The following EXD3 variants were observed in gnomAD, a reference collection of about 807,000 sequenced individuals.
The protein encoded by EXD3 is exonuclease 3'-5' domain containing 3.
In EXD3, 92 loss-of-function variants were observed where a neutral mutation model predicts 98.0. That is an observed-to-expected ratio of 0.94 (90% confidence interval 0.79 to 1.12). The LOEUF is 1.12. Among genes scored for constraint, EXD3 ranks in the 50% most tolerant of loss-of-function variants. EXD3 has a pLI of 0.00. For missense variants in EXD3, 1,222 were observed against 1,191.6 expected, an observed-to-expected ratio of 1.03 and a Z score of -0.38; for synonymous variants, 569 against 526.0, an observed-to-expected ratio of 1.08 and a Z score of -1.12.
chr9:137,407,385 A>T lies in EXD3; in HGVS notation c.-47-11981T>A, dbSNP rs1837774308. On this transcript the variant is annotated intron_variant, in intron 1 of 21. Coordinates refer to ENST00000340951, the MANE Select transcript of EXD3 (RefSeq NM_017820.5). This position sits in a 1 kb window ranked among gnomAD's most constrained non-coding sequence, Gnocchi z 4.4. ...GACTGCTCCCCCGCGAAGCCCACCCACCTGAGGTCCTGGCCCCCAAGGGGC... is the reference window on the plus strand; with the variant it reads ...GACTGCTCCCCCGCGAAGCCCACCCTCCTGAGGTCCTGGCCCCCAAGGGGC... 6.6e-6 allele frequency among the ~76,000 whole-genome samples: 1 copy of T among 151,894 alleles called. No individual in the cohort carries two copies. Among genetic ancestry groups the T allele is most frequent in the Non-Finnish European group, 1.5e-5 (1 of 67,912 alleles).
chr9:137,307,504 C>T, intron 21 of EXD3, 104 bp downstream of exon 21: 1 of 1,443,452 alleles, frequency 6.9e-7, no homozygotes, highest in Non-Finnish European at 9.3e-7. Context: ...CCCCACAGAG[C>T]CCCCTCTGCC....
rs747443829 is a variant in EXD3 at position 137,349,154 on chromosome 9, G to C, written c.1786C>G (p.Pro596Ala). The C allele has an allele frequency of 1.9e-6, 3 of 1,597,346 alleles. No homozygotes were observed. Among genetic ancestry groups the C allele is most frequent in the Non-Finnish European group, 1.7e-6 (2 of 1,177,796 alleles). The change falls in exon 16 of 22, where the codon CCA becomes GCA. Residue 596 changes from proline (P) to alanine (A), a missense_variant. Transcript: ENST00000340951. This position sits in a 1 kb window ranked among gnomAD's most constrained non-coding sequence, Gnocchi z 7.4. ...GCTGACGCTTTCTGCAGGCCGGGTG[G>C]CTTCCGTGCCCCTGGTCTCTCTCTG... ...RHRERPGARK[P>A]PGLQKASAPA...
intron 3 of EXD3, among the ~76,000 whole-genome samples, chr9:137,383,101 C>A (rs1836400896): frequency 6.6e-6 from 1 of 152,212 alleles, no homozygotes; most frequent in African/African-American, 2.4e-5. Context: ...CCAGGCAGTG[C>A]CTTTACCACC....
chr9:137,309,389 C>A (rs1263983315), intron 20 of EXD3, among the ~76,000 whole-genome samples: 1 of 152,200 alleles, frequency 6.6e-6, no homozygotes, highest in Non-Finnish European at 1.5e-5. Context: ...TCTGCTACCA[C>A]ACAGAAGGGA....
Position 137,383,282 on chromosome 9 carries a change from T to C in EXD3, c.120+31A>G, listed in dbSNP as rs1425405050. Reference sequence around the variant, plus strand: ...AACAGTCAGTTCTGCTGGCTGTGACTTGGCACGTGGTGGCTGCCACGTCCA... The same window carrying C: ...AACAGTCAGTTCTGCTGGCTGTGACCTGGCACGTGGTGGCTGCCACGTCCA... On this transcript the variant is annotated intron_variant, in intron 3 of 21. Coordinates refer to ENST00000340951, the MANE Select transcript of EXD3 (RefSeq NM_017820.5). 3 of 1,538,132 alleles carry C rather than the reference T, an allele frequency of 2.0e-6. No individual in the cohort carries two copies. In the South Asian group the frequency reaches 3.6e-5, roughly 18 times the overall value.
At chr9:137,312,591 C>G (rs1361196866) in intron 19 of EXD3, among the ~76,000 whole-genome samples, 2 of 152,198 alleles carry the variant, frequency 1.3e-5, no homozygotes. Flanking sequence ...CCAGGGCCCT[C>G]TCCTCTCCAG....
intron 7 of EXD3, among the ~76,000 whole-genome samples, chr9:137,358,334 C>T (rs1834892596): frequency 6.6e-6 from 1 of 152,184 alleles, no homozygotes; most frequent in African/African-American, 2.4e-5. Context: ...CACCTGTGTC[C>T]TCCTGGTTTC....
In EXD3 at chr9:137,405,321, G is replaced by A. The variant is rs552094582; in HGVS notation, c.-47-9917C>T. On this transcript the variant is annotated intron_variant, in intron 1 of 21. Coordinates refer to ENST00000340951, the MANE Select transcript of EXD3 (RefSeq NM_017820.5). The surrounding 1 kb of genome is among the most constrained non-coding windows in gnomAD (Gnocchi z 4.1). ...AGCAGGGGCCAGAGCCCCAACCCCC[G>A]CTGCTTCCCCAACTGCTCCCTGGGG... 2.6e-5 allele frequency among the ~76,000 whole-genome samples: 4 copies of A among 152,322 alleles called. No homozygotes were observed. Among genetic ancestry groups the A allele is most frequent in the African/African-American group, 4.8e-5 (2 of 41,582 alleles).
At chr9:137,374,753 C>A (rs1835809309) in intron 3 of EXD3, 1 of 985,342 alleles carries the variant, frequency 1.0e-6, no homozygotes, top group Non-Finnish European at 1.2e-6. Context: ...GCTTCTCTGT[C>A]CCTCGGGACT....
intron 21 of EXD3, 49 bp from the exon 22 acceptor site, chr9:137,307,312 C>T (rs1378163175): frequency 1.2e-5 from 18 of 1,445,488 alleles, no homozygotes; most frequent in Non-Finnish European, 1.2e-5. Flanking sequence ...TCGGGCACGG[C>T]CCCCAGGCTG....
chr9:137,408,677 G>T (rs899566851), intron 1 of EXD3, among the ~76,000 whole-genome samples: 1 of 151,958 alleles, frequency 6.6e-6, no homozygotes, highest in East Asian at 1.9e-4. Context: ...CAGACCAATG[G>T]TAACCCCAAA....
intron 8 of EXD3, among the ~76,000 whole-genome samples, chr9:137,355,701 GGAGGAA>G (rs1834726838): frequency 2.5e-5 from 2 of 81,222 alleles, no homozygotes; most frequent in African/African-American, 8.3e-5. Flanking sequence ...AAGGGAGGAA[GGAGGAA>G]GGAGGAAGGA....
At chr9:137,401,244 C>G (rs1837469600) in intron 1 of EXD3, among the ~76,000 whole-genome samples, 1 of 150,892 alleles carries the variant, frequency 6.6e-6, no homozygotes, top group African/African-American at 2.4e-5. Flanking sequence ...AGCTCCACCT[C>G]CCGGGTTCAC....
In EXD3 at chr9:137,383,327, G is replaced by T. The variant is rs576047959; in HGVS notation, c.106C>A (p.Arg36=). 3.4e-5 allele frequency: 52 copies of T among 1,550,030 alleles called. No individual in the cohort carries two copies. Among genetic ancestry groups the T allele is most frequent in the Non-Finnish European group, 4.4e-5 (50 of 1,146,634 alleles). Residue 36 remains arginine (R), a synonymous_variant, in exon 3 of 22, where the codon CGG becomes AGG. Coordinates refer to ENST00000340951, the MANE Select transcript of EXD3 (RefSeq NM_017820.5). The part of the protein sequence containing the change: ...LQALQTLWST[R]ERKQLREEAW... ...CGTCCACTCACCTGCTTCCGCTCCC[G>T]CGTGGACCACAGGGTCTGCAGGGCC...
chr9:137,422,529 T>C (rs1838581258), intron 1 of EXD3, among the ~76,000 whole-genome samples: 1 of 152,240 alleles, frequency 6.6e-6, no homozygotes, highest in Non-Finnish European at 1.5e-5. Flanking sequence ...CTCTGTTTTC[T>C]TTAAAAACCT....
intron 19 of EXD3, among the ~76,000 whole-genome samples, chr9:137,319,071 C>T (rs1588234785): frequency 6.6e-6 from 1 of 152,252 alleles, no homozygotes; most frequent in Non-Finnish European, 1.5e-5. Context: ...AGGTGGTCAG[C>T]TCTGGCCGGA....
At chr9:137,378,247 C>T (rs957197709) in intron 3 of EXD3, among the ~76,000 whole-genome samples, 13 of 152,028 alleles carry the variant, frequency 8.6e-5, no homozygotes, top group East Asian at 3.9e-4. Flanking sequence ...CTCACTCTGT[C>T]GTCCAGGCTG....
At chr9:137,401,654 C>G (rs1344104356) in intron 1 of EXD3, among the ~76,000 whole-genome samples, 1 of 152,240 alleles carries the variant, frequency 6.6e-6, no homozygotes, top group Non-Finnish European at 1.5e-5. Context: ...GGGGCTTCCA[C>G]CCTCTGAAGC....
chr9:137,317,645 T>C (rs1467402129), intron 19 of EXD3, among the ~76,000 whole-genome samples: 1 of 151,912 alleles, frequency 6.6e-6, no homozygotes, highest in Non-Finnish European at 1.5e-5. Flanking sequence ...CAGAATGCTG[T>C]GGAGAGGTGG....
Sources: gnomAD v4.1 joint callset for allele counts (sites outside exome capture counted in the v4.1 genomes callset) on GRCh38, gnomAD v4.1.1 for gene constraint, Gnocchi (gnomAD v3.1) non-coding constraint, MANE v1.5 for transcripts, NCBI Gene and HGNC (gene_info 2026-07-23, HGNC 2026-07-21) for gene names.